GRIK3: variants seen among roughly 807,000 people sequenced by gnomAD.
GRIK3 encodes the protein glutamate ionotropic receptor kainate type subunit 3, also known as glutamate receptor ionotropic, kainate 3.
Under a neutral mutation model 102.5 loss-of-function variants are expected in GRIK3, and 29 were observed. That is an observed-to-expected ratio of 0.28 (90% CI 0.21 to 0.39). The LOEUF (loss-of-function observed/expected upper bound fraction) is 0.39. Among genes scored for constraint, GRIK3 ranks in the 10% least tolerant of loss-of-function variants. GRIK3 has a pLI of 1.00. For missense variants in GRIK3, 908 were observed against 1,252.4 expected (o/e 0.73, Z 4.15); for synonymous variants, 511 against 504.9 (o/e 1.01, Z -0.16).
chr1:36,816,519 T>G (rs1481772801), intron 13 of GRIK3, among the ~76,000 whole-genome samples: 1 of 152,192 alleles, frequency 6.6e-6, no homozygotes, highest in African/African-American at 2.4e-5. Flanking sequence ...AGCAGTCACT[T>G]GAGCAGGTGA....
intron 1 of GRIK3, among the ~76,000 whole-genome samples, chr1:36,904,186 C>T (rs1008950196): frequency 1.8e-4 from 28 of 152,228 alleles, no homozygotes; most frequent in Admixed American, 1.3e-4. Flanking sequence ...CACGTGAACA[C>T]ACAACTGTGT....
intron 1 of GRIK3, among the ~76,000 whole-genome samples, chr1:37,030,374 C>T (rs1212260119): frequency 5.3e-5 from 8 of 152,208 alleles, no homozygotes; most frequent in South Asian, 4.2e-4. Flanking sequence ...CAGATGAGGC[C>T]GGTTTGGGAA....
intron 1 of GRIK3, among the ~76,000 whole-genome samples, chr1:36,899,044 A>G (rs902755360): frequency 6.6e-6 from 1 of 152,212 alleles, no homozygotes; most frequent in South Asian, 2.1e-4. Flanking sequence ...AAATGGATCA[A>G]AGACTTAAAT....
In GRIK3 at chr1:36,797,315, A is replaced by ATG. The variant is rs1642378114; in HGVS notation, c.*4535_*4536insCA. 10 of 150,668 alleles carry ATG rather than the reference A, an allele frequency of 6.6e-5. 1 individual carries two copies. The South Asian group carries it at 2.1e-3, about 31-fold the overall frequency. The allele number at this position is 150,668 out of a possible 1,614,324, so 9.3% of individuals were successfully genotyped here. A position where few individuals can be genotyped will look rare whatever the true frequency, so the allele number is the denominator to read the frequency against. ...ATATATATATACAGTATATATATAT[A>ATG]TTTTACATTCATATATATATTGTAC... On this transcript the variant is annotated 3_prime_UTR_variant, in exon 16 of 16. Transcript: ENST00000373091.
At chr1:36,828,308 C>T (rs994638160) in intron 10 of GRIK3, among the ~76,000 whole-genome samples, 2 of 152,150 alleles carry the variant, frequency 1.3e-5, no homozygotes, top group Admixed American at 1.3e-4. Context: ...CAGAACTTGG[C>T]GTCCCCAAGT....
intron 1 of GRIK3, among the ~76,000 whole-genome samples, chr1:36,980,873 T>C (rs1570842124): frequency 6.6e-6 from 1 of 152,160 alleles, no homozygotes; most frequent in East Asian, 1.9e-4. Flanking sequence ...TGCCTTGCCC[T>C]TTTATTTACA....
At chr1:36,886,017 C>G (rs1187701287) in intron 2 of GRIK3, among the ~76,000 whole-genome samples, 1 of 152,162 alleles carries the variant, frequency 6.6e-6, no homozygotes, top group Non-Finnish European at 1.5e-5. Context: ...GGCGGAGGAG[C>G]CTGGGGAGCC....
chr1:36,984,557 G>A (rs1642284460), intron 1 of GRIK3, among the ~76,000 whole-genome samples: 1 of 152,252 alleles, frequency 6.6e-6, no homozygotes, highest in Non-Finnish European at 1.5e-5. Flanking sequence ...TGAAGACAGA[G>A]TTAGTGTGGA....
At chr1:36,831,254 C>T (rs1640290758) in intron 10 of GRIK3, among the ~76,000 whole-genome samples, 2 of 152,316 alleles carry the variant, frequency 1.3e-5, no homozygotes, top group South Asian at 4.1e-4. Context: ...TTGACTCTGG[C>T]CCCTGACCAT....
At chr1:36,991,609 A>G (rs1642364044) in intron 1 of GRIK3, among the ~76,000 whole-genome samples, 1 of 152,186 alleles carries the variant, frequency 6.6e-6, no homozygotes, top group Non-Finnish European at 1.5e-5. Flanking sequence ...AGCCAGGGAG[A>G]GACTGGAACG....
At chr1:36,993,150 G>A (rs1181583804) in intron 1 of GRIK3, among the ~76,000 whole-genome samples, 1 of 152,146 alleles carries the variant, frequency 6.6e-6, no homozygotes, top group African/African-American at 2.4e-5. Flanking sequence ...GCAAACCTAG[G>A]GTGCCATGTG....
At position 36,804,992 on chromosome 1, in the gene GRIK3, C is replaced by G; in HGVS notation, c.2560G>C (p.Glu854Gln). The G allele has an allele frequency of 1.9e-6, 3 of 1,614,196 alleles. No individual in the cohort carries two copies. Residue 854 changes from glutamate to glutamine, a missense_variant, in exon 15 of 16, where the codon GAG becomes CAG. Around this residue, in one of 3 missense-constraint regions of GRIK3, gnomAD observed 297 missense variants for 362.7 expected, o/e 0.82. Coordinates refer to ENST00000373091, the MANE Select transcript of GRIK3 (RefSeq NM_000831.4). ...CTCCAAGCTCTAAGGCTTACCTGCTCTCTCTCTGCTGTTTTGCGGAGCTTG... is the reference window on the plus strand; with the variant it reads ...CTCCAAGCTCTAAGGCTTACCTGCTGTCTCTCTGCTGTTTTGCGGAGCTTG... The part of the protein sequence containing the change: ...VYKLRKTAER[E>Q]QRSFCSTVAD...
intron 11 of GRIK3, among the ~76,000 whole-genome samples, chr1:36,822,670 GA>G (rs1187238266): frequency 1.3e-5 from 2 of 152,170 alleles, no homozygotes; most frequent in African/African-American, 4.8e-5. Context: ...TGGAGGAGGA[GA>G]CAGGGCATCC....
At chr1:36,866,650 G>A (rs1022897557) in intron 5 of GRIK3, among the ~76,000 whole-genome samples, 2 of 152,218 alleles carry the variant, frequency 1.3e-5, no homozygotes, top group African/African-American at 4.8e-5. Context: ...CTGTGAGGTA[G>A]TAATATTACT....
chr1:36,828,041 C>A (rs1254941869), intron 10 of GRIK3, among the ~76,000 whole-genome samples: 55 of 150,630 alleles, frequency 3.7e-4, no homozygotes, highest in African/African-American at 1.2e-3. Context: ...TCCTGGAGTC[C>A]TTTCAGTTCA....
intron 1 of GRIK3, among the ~76,000 whole-genome samples, chr1:36,955,878 G>A (rs1432336010): frequency 1.3e-5 from 2 of 152,260 alleles, no homozygotes; most frequent in East Asian, 1.9e-4. Flanking sequence ...CCAGGGCCAG[G>A]GTCTGGTGTT....
At chr1:36,941,042 T>A (rs1338153255) in intron 1 of GRIK3, among the ~76,000 whole-genome samples, 1 of 152,246 alleles carries the variant, frequency 6.6e-6, no homozygotes, top group Non-Finnish European at 1.5e-5. Context: ...ACCTCCTGAG[T>A]TTCTGCCCCC....
At chr1:36,826,719 C>T (rs1448716530) in intron 10 of GRIK3, among the ~76,000 whole-genome samples, 2 of 151,588 alleles carry the variant, frequency 1.3e-5, no homozygotes, top group East Asian at 3.9e-4. Context: ...AGAAGCAAAT[C>T]CAGGGCCTTT....
rs536576778 is a variant in GRIK3, at chr1:36,922,621, C to A, written c.116-31525G>T. Among the ~76,000 whole-genome samples the A allele has an allele frequency of 1.8e-4, 28 of 152,286 alleles. No individual in the cohort carries two copies. In the South Asian group the frequency reaches 5.8e-3, roughly 32 times the overall value. Reference sequence around the variant, plus strand: ...TTGGTCCCCAAGACAGGGGGCCATGCGCTTATTTATCAAGGAAGAAAACCT... The same window carrying A: ...TTGGTCCCCAAGACAGGGGGCCATGAGCTTATTTATCAAGGAAGAAAACCT... On this transcript the variant is annotated intron_variant, in intron 1 of 15. Coordinates refer to ENST00000373091, the MANE Select transcript of GRIK3 (RefSeq NM_000831.4).
Sources: allele counts gnomAD v4.1 joint callset (sites outside exome capture counted in the v4.1 genomes callset), GRCh38; gene constraint gnomAD v4.1.1; regional missense constraint gnomAD v4.1.1; transcripts MANE v1.5; gene names NCBI Gene and HGNC (gene_info 2026-07-23, HGNC 2026-07-21).